The following NOL4L variants were observed in gnomAD, a reference collection of about 807,000 sequenced individuals.
NOL4L encodes nucleolar protein 4 like.
A neutral mutation model predicts 64.5 loss-of-function variants in NOL4L; 7 were observed. The observed-to-expected ratio is 0.11, with a 90% CI of 0.06 to 0.20. The LOEUF is 0.20. Among genes scored for constraint, NOL4L ranks in the 10% least tolerant of loss-of-function variants. The probability of loss-of-function intolerance (pLI) is 1.00; values close to 1 mark genes in which losing one functional copy is unlikely to be tolerated. For missense variants in NOL4L, 680 were observed against 967.1 expected (o/e 0.70, Z 3.94); for synonymous variants, 413 against 401.0 (o/e 1.03, Z -0.36).
At position 32,453,822 on chromosome 20, in the gene NOL4L, C is replaced by T. The variant is rs564058373; in HGVS notation, c.1120-61G>A. The T allele has an allele frequency of 3.0e-4, 441 of 1,492,174 alleles. 3 individuals carry two copies. The South Asian group carries it at 5.0e-3, about 17-fold the overall frequency. The allele number at this position is 1,492,174 out of a possible 1,614,324, so 92.4% of individuals were successfully genotyped here. A position where few individuals can be genotyped will look rare whatever the true frequency, so the allele number is the denominator to read the frequency against. On this transcript the variant is annotated intron_variant, in intron 6 of 10. Coordinates refer to ENST00000621426, the MANE Select transcript of NOL4L (RefSeq NM_001256798.2). The surrounding 1 kb of genome is among the most constrained non-coding windows in gnomAD (Gnocchi z 5.6). ...GCAGCTGCTCAAGCCCTTGCTGGGT[C>T]TCCTACAGGCGGTGAGCTTGGGGAC...
chr20:32,546,994 C>T (rs2018741669), intron 1 of NOL4L, among the ~76,000 whole-genome samples: 1 of 152,238 alleles, frequency 6.6e-6, no homozygotes, highest in Non-Finnish European at 1.5e-5. Context: ...TGGGCATTCA[C>T]TAACTTTCAG....
At chr20:32,540,667 TC>T (rs979016034) in intron 1 of NOL4L, among the ~76,000 whole-genome samples, 2 of 152,082 alleles carry the variant, frequency 1.3e-5, no homozygotes, top group African/African-American at 4.8e-5. Flanking sequence ...TGCTGTTGCC[TC>T]CGTTTCCCCA....
rs1346718517 is a variant in NOL4L at position 32,584,974 on chromosome 20, G to A, written c.-84C>T. On this transcript the variant is annotated 5_prime_UTR_variant, in exon 1 of 11. Coordinates refer to ENST00000621426, the MANE Select transcript of NOL4L (RefSeq NM_001256798.2). ...GGACTGGGCTGGGCTGGGCTGGACC[G>A]GGCCGGGACGCGCCGCGGCCGCGTC... is the stretch of plus-strand genomic sequence containing the variant. 2.6e-6 allele frequency: 2 copies of A among 772,374 alleles called. No individual in the cohort carries two copies. The highest frequency in any genetic ancestry group is 5.6e-5 in the South Asian group (1 of 17,982). The allele number at this position is 772,374 out of a possible 1,614,324, so 47.8% of individuals were successfully genotyped here.
rs2012957106 is a variant in NOL4L at position 32,451,972 on chromosome 20, G to A, written c.1822+264C>T. 2.0e-5 allele frequency among the ~76,000 whole-genome samples: 3 copies of A among 152,226 alleles called. 1 individual carries two copies. The South Asian group carries it at 6.2e-4, about 32-fold the overall frequency. ...CCGGTAGTGAAGGTGGGAAGTGTTG[G>A]AGCAAGCGTCACTGGCGGTGAGAAG... is the stretch of plus-strand genomic sequence containing the variant. On this transcript the variant is annotated intron_variant, in intron 10 of 10. Transcript: ENST00000621426.
intron 5 of NOL4L, among the ~76,000 whole-genome samples, chr20:32,461,978 G>A (rs1375260722): frequency 1.3e-5 from 2 of 151,924 alleles, no homozygotes; most frequent in African/African-American, 2.4e-5. Flanking sequence ...TCCTGGGCTC[G>A]CCGGGGTGAG....
Position 32,464,825 on chromosome 20 carries a change from G to A in NOL4L, c.842-8430C>T, listed in dbSNP as rs2014404560. On this transcript the variant is annotated intron_variant, in intron 5 of 10. Coordinates refer to ENST00000621426, the MANE Select transcript of NOL4L (RefSeq NM_001256798.2). The surrounding 1 kb of genome is among the most constrained non-coding windows in gnomAD (Gnocchi z 5.6). ...TATTTAACCCAATATATCCAAAATA[G>A]TACCATTTCAACAAATAATTGATAC... is the stretch of plus-strand genomic sequence containing the variant. The A allele has an allele frequency of 2.4e-6, 1 of 411,414 alleles. No homozygotes were observed. The highest frequency in any genetic ancestry group is 4.4e-6 in the Non-Finnish European group (1 of 229,368). The allele number at this position is 411,414 out of a possible 1,614,324, so 25.5% of individuals were successfully genotyped here. A position where few individuals can be genotyped will look rare whatever the true frequency, so the allele number is the denominator to read the frequency against.
chr20:32,474,291 T>C (rs1421457178), intron 5 of NOL4L, among the ~76,000 whole-genome samples: 3 of 152,230 alleles, frequency 2.0e-5, no homozygotes, highest in Non-Finnish European at 4.4e-5. Context: ...GGCCTGCCCC[T>C]GGTAACTCTG....
In NOL4L at chr20:32,568,840, G is replaced by A. The variant is rs1005034404; in HGVS notation, c.321+15730C>T. Among the ~76,000 whole-genome samples the A allele has an allele frequency of 2.0e-5, 3 of 152,140 alleles. No homozygotes were observed. The East Asian group carries it at 5.8e-4, about 29-fold the overall frequency. On this transcript the variant is annotated intron_variant, in intron 1 of 10. Transcript: ENST00000621426. The stretch of plus-strand genomic sequence containing the variant: ...GAGGAGCCTGCTTGTTGGGTAGGTC[G>A]GACCCCCCTTGATGGGACTGCAGGC...
intron 1 of NOL4L, among the ~76,000 whole-genome samples, chr20:32,559,745 G>T (rs960876442): frequency 6.6e-6 from 1 of 152,334 alleles, no homozygotes; most frequent in East Asian, 1.9e-4. Flanking sequence ...ACTGAGGTTT[G>T]TCTGTAACGG....
At chr20:32,465,636 G>A (rs1398533821) in intron 5 of NOL4L, among the ~76,000 whole-genome samples, 2 of 152,234 alleles carry the variant, frequency 1.3e-5, no homozygotes, top group Non-Finnish European at 2.9e-5. Context: ...AGAGCAAACA[G>A]AGCCACTCCA....
At chr20:32,487,784 GGAGGTCTAATGGAAA>G (rs1202176038) in intron 4 of NOL4L, among the ~76,000 whole-genome samples, 1 of 152,138 alleles carries the variant, frequency 6.6e-6, no homozygotes, top group Non-Finnish European at 1.5e-5. Flanking sequence ...AGGCCAGTGA[GGAGGTCTAATGGAAA>G]GAGTATCATC....
chr20:32,483,870 G>C (rs541229042), intron 4 of NOL4L, among the ~76,000 whole-genome samples: 62 of 140,282 alleles, frequency 4.4e-4, no homozygotes, highest in African/African-American at 1.5e-3. Context: ...GGCCAGGTAG[G>C]GGGGGATAAG....
intron 1 of NOL4L, among the ~76,000 whole-genome samples, chr20:32,584,133 GCACA>G (rs745461984): frequency 3.1e-3 from 278 of 88,764 alleles, no homozygotes; most frequent in East Asian, 9.2e-3. Flanking sequence ...CTCCGCGCGC[GCACA>G]CACACACACA....
intron 2 of NOL4L, among the ~76,000 whole-genome samples, chr20:32,521,884 A>T (rs1355270754): frequency 6.6e-6 from 1 of 152,122 alleles, no homozygotes; most frequent in Non-Finnish European, 1.5e-5. Context: ...GCACCTCTCC[A>T]CTAAGGGGCA....
Position 32,464,120 on chromosome 20 carries a change from G to A in NOL4L, c.842-7725C>T, listed in dbSNP as rs150329682. On this transcript the variant is annotated intron_variant, in intron 5 of 10. Coordinates refer to ENST00000621426, the MANE Select transcript of NOL4L (RefSeq NM_001256798.2). The surrounding 1 kb of genome is among the most constrained non-coding windows in gnomAD (Gnocchi z 5.6). ...CACGGCCCACCATGGCCAGGGAGGC[G>A]TGGACAGTAGGGCTATGGGCTGTGG... 9.2e-5 allele frequency among the ~76,000 whole-genome samples: 14 copies of A among 152,330 alleles called. No homozygotes were observed. The highest frequency in any genetic ancestry group is 1.0e-4 in the Non-Finnish European group (7 of 68,030).
intron 4 of NOL4L, among the ~76,000 whole-genome samples, chr20:32,490,144 A>AAAAAAAAAAAAAAAAAAC (rs543768294): frequency 8.2e-6 from 1 of 122,206 alleles, no homozygotes; most frequent in African/African-American, 3.2e-5. Flanking sequence ...AAAAAAAAAA[A>AAAAAAAAAAAAAAAAAAC]ATATATATAC....
chr20:32,443,718 G>C lies in NOL4L; in HGVS notation c.*3878C>G, dbSNP rs1356725752. The C allele has an allele frequency of 6.6e-6, 1 of 152,190 alleles. No individual in the cohort carries two copies. The highest frequency in any genetic ancestry group is 1.5e-5 in the Non-Finnish European group (1 of 68,044). 9.4% of individuals were successfully genotyped at this position (152,190 alleles called of 1,614,324 possible). On this transcript the variant is annotated 3_prime_UTR_variant, in exon 11 of 11. Transcript: ENST00000621426. ...CCTCTTGGGTTGTCCCTAAATCCTGGATGGCTTGATCCTGAAGGCAACATG... is the reference window on the plus strand; with the variant it reads ...CCTCTTGGGTTGTCCCTAAATCCTGCATGGCTTGATCCTGAAGGCAACATG...
At chr20:32,521,012 G>T in intron 2 of NOL4L, 90 bp from the exon 3 acceptor site, 3 of 687,318 alleles carry the variant, frequency 4.4e-6, no homozygotes, top group Non-Finnish European at 4.8e-6. Context: ...TTGGTGGCAG[G>T]TGCTTCGGCT....
chr20:32,465,535 T>C (rs573601536), intron 5 of NOL4L, among the ~76,000 whole-genome samples: 4 of 152,094 alleles, frequency 2.6e-5, no homozygotes, highest in Non-Finnish European at 5.9e-5. Flanking sequence ...CCTGGCCCCG[T>C]CCTCCAGGCC....
Sources: gnomAD v4.1 joint callset for allele counts (sites outside exome capture counted in the v4.1 genomes callset) on GRCh38, gnomAD v4.1.1 for gene constraint, Gnocchi (gnomAD v3.1) non-coding constraint, MANE v1.5 for transcripts, NCBI Gene and HGNC (gene_info 2026-07-23, HGNC 2026-07-21) for gene names.